Variants in SLC12A7 observed in about 807,000 individuals in gnomAD.
SLC12A7 encodes solute carrier family 12 member 7, also known as K-Cl cotransporter 4.
Under a neutral mutation model 120.6 loss-of-function variants are expected in SLC12A7, and 100 were observed. The observed-to-expected ratio is 0.83, with a 90% confidence interval of 0.71 to 0.98. The LOEUF is 0.98. Among genes scored for constraint, SLC12A7 ranks in the 50% least tolerant of loss-of-function variants. The probability of loss-of-function intolerance (pLI) is 0.00; values close to 1 mark genes in which losing one functional copy is unlikely to be tolerated. For synonymous variants in SLC12A7, 760 were observed against 678.0 expected (o/e 1.12, Z -1.88); for missense variants, 1,373 against 1,548.1 (o/e 0.89, Z 1.90).
rs922317998 is a variant in SLC12A7 at position 1,100,990 on chromosome 5, C to T, written c.125-6742G>A. ...CACCAGGAGCCCTCGACGAGCTGAG[C>T]CCCGCACCCATGGCCAGCTCCCCCA... On this transcript the variant is annotated intron_variant, in intron 1 of 23. Transcript: ENST00000264930. Among the ~76,000 whole-genome samples the T allele has an allele frequency of 2.2e-4, 34 of 152,158 alleles. 1 individual carries two copies. Among genetic ancestry groups the T allele is most frequent in the African/African-American group, 7.2e-4 (30 of 41,426 alleles).
At chr5:1,090,569 G>A (rs565989620) in intron 3 of SLC12A7, among the ~76,000 whole-genome samples, 5 of 152,340 alleles carry the variant, frequency 3.3e-5, no homozygotes, top group East Asian at 1.9e-4. Context: ...AAAACTGAGA[G>A]CCCAGGGCAG....
chr5:1,092,183 C>T (rs1740600277), intron 3 of SLC12A7, among the ~76,000 whole-genome samples: 1 of 152,252 alleles, frequency 6.6e-6, no homozygotes, highest in African/African-American at 2.4e-5. Flanking sequence ...AGTATTAATT[C>T]CGCTGTGTTT....
At chr5:1,115,512 G>A (rs995022475), upstream of SLC12A7, among the ~76,000 whole-genome samples, 4 of 152,186 alleles carry the variant, frequency 2.6e-5, no homozygotes, top group African/African-American at 9.6e-5. Context: ...CTGTTAGGGT[G>A]GGGGGCTCAT....
rs765560780 is a variant in SLC12A7 at position 1,083,823 on chromosome 5, C to G, written c.1051G>C (p.Ala351Pro). The G allele has an allele frequency of 6.2e-7, 1 of 1,609,286 alleles. No homozygotes were observed. The highest frequency in any genetic ancestry group is 8.5e-7 in the Non-Finnish European group (1 of 1,177,754). Reference protein sequence around the residue: ...LFCNGSQPSAACDEYFIQNNV... With the variant: ...LFCNGSQPSAPCDEYFIQNNV... ...TTCTGGATGAAGTACTCGTCACAGG[C>G]GGCGCTGGGCTGGGAGCCGTTGCAG... Residue 351 changes from alanine (A) to proline (P), a missense_variant, in exon 8 of 24, where the codon GCC (alanine) becomes CCC (proline). Transcript: ENST00000264930.
At chr5:1,107,213 CG>C (rs1742596159) in intron 1 of SLC12A7, among the ~76,000 whole-genome samples, 2 of 152,224 alleles carry the variant, frequency 1.3e-5, no homozygotes, top group Non-Finnish European at 2.9e-5. Context: ...GAAGAAAAGC[CG>C]GACCACAGGA....
chr5:1,130,262 G>T, the SLC12A7 span, among the ~76,000 whole-genome samples: 1 of 152,156 alleles, frequency 6.6e-6, no homozygotes, highest in South Asian at 2.1e-4. Context: ...ACCCCACCGG[G>T]CGAGGCTGGC....
intron 17 of SLC12A7, 41 bp from the exon 18 acceptor site, chr5:1,065,519 G>A: frequency 6.6e-7 from 1 of 1,514,418 alleles, no homozygotes; most frequent in Non-Finnish European, 8.9e-7. Flanking sequence ...GCAGGAATGG[G>A]GTGCACAGAC....
rs959720286 is a variant in SLC12A7, at chr5:1,050,691, G to A, written c.*1669C>T. 2 of 395,056 alleles carry A rather than the reference G, an allele frequency of 5.1e-6. No homozygotes were observed. The highest frequency in any genetic ancestry group is 8.9e-6 in the Non-Finnish European group (2 of 224,328). The allele number at this position is 395,056 out of a possible 1,614,324, so 24.5% of individuals were successfully genotyped here. On this transcript the variant is annotated 3_prime_UTR_variant, in exon 24 of 24. Coordinates refer to ENST00000264930, the MANE Select transcript of SLC12A7 (RefSeq NM_006598.3). ...TAGCCTGCTCTCCTCCAGGTGCAGG[G>A]GACACAGGACCTGCCGGCCCCATCC...
At chr5:1,108,507 T>G (rs113606444) in intron 1 of SLC12A7, among the ~76,000 whole-genome samples, 334 of 152,198 alleles carry the variant, frequency 2.2e-3, no homozygotes, top group African/African-American at 7.6e-3. Context: ...AGCCTGCCTG[T>G]CCCTCCTGCT....
the SLC12A7 span, among the ~76,000 whole-genome samples, chr5:1,123,251 C>T: frequency 6.6e-6 from 1 of 152,164 alleles, no homozygotes; most frequent in African/African-American, 2.4e-5. Flanking sequence ...GTCCACATTC[C>T]CTCTGGGGAA....
chr5:1,093,825 C>T lies in SLC12A7; in HGVS notation c.220-170G>A, dbSNP rs544474416. Among the ~76,000 whole-genome samples the T allele has an allele frequency of 3.3e-5, 5 of 152,318 alleles. No homozygotes were observed. In the East Asian group the frequency reaches 9.7e-4, roughly 29 times the overall value. On this transcript the variant is annotated intron_variant, in intron 2 of 23. Coordinates refer to ENST00000264930, the MANE Select transcript of SLC12A7 (RefSeq NM_006598.3). Reference sequence around the variant, plus strand: ...CTGTGTGGCAGGTCTGAGTCCGAGGCCAGGGCTCCAGGCCTCACTGAGTGG... The same window carrying T: ...CTGTGTGGCAGGTCTGAGTCCGAGGTCAGGGCTCCAGGCCTCACTGAGTGG...
At chr5:1,123,885 C>T in the SLC12A7 span, among the ~76,000 whole-genome samples, 1 of 152,234 alleles carries the variant, frequency 6.6e-6, no homozygotes, top group Non-Finnish European at 1.5e-5. Context: ...GTAACAGTTT[C>T]TGAGATAACT....
chr5:1,050,933 T>C lies in SLC12A7; in HGVS notation c.*1427A>G, dbSNP rs1734968491. ...AACTTTGTTGATGGGGCTGATTCCC[T>C]TGGGAGACCATGCAAGCCAGACGTA... On this transcript the variant is annotated 3_prime_UTR_variant, in exon 24 of 24. Coordinates refer to ENST00000264930, the MANE Select transcript of SLC12A7 (RefSeq NM_006598.3). The C allele has an allele frequency of 2.5e-6, 1 of 398,684 alleles. No individual in the cohort carries two copies. The allele number at this position is 398,684 out of a possible 1,614,324, so 24.7% of individuals were successfully genotyped here.
In SLC12A7 at chr5:1,085,121, A is replaced by AC. The variant is rs1739671165; in HGVS notation, c.917+110dup. 3.5e-6 allele frequency: 5 copies of AC among 1,440,004 alleles called. No homozygotes were observed. In the East Asian group the frequency reaches 1.2e-4, roughly 35 times the overall value. The allele number at this position is 1,440,004 out of a possible 1,614,324, so 89.2% of individuals were successfully genotyped here. ...TTCCCGCCACGGTCACACCCAGCCC[A>AC]CCCCTTGCGGGGAGCTCGGCGTCAA... On this transcript the variant is annotated intron_variant, in intron 7 of 23. Coordinates refer to ENST00000264930, the MANE Select transcript of SLC12A7 (RefSeq NM_006598.3).
At chr5:1,085,698 G>A (rs1471991141) in intron 6 of SLC12A7, among the ~76,000 whole-genome samples, 2 of 150,776 alleles carry the variant, frequency 1.3e-5, no homozygotes, top group East Asian at 1.9e-4. Context: ...GGGGGTCAGC[G>A]CACAGGCGAG....
chr5:1,062,807 C>T (rs1325017845), intron 20 of SLC12A7: 2 of 154,412 alleles, frequency 1.3e-5, no homozygotes, highest in Non-Finnish European at 2.9e-5. Context: ...CTCTATCCAG[C>T]TTTATGTCTT....
intron 14 of SLC12A7, 122 bp from the exon 15 acceptor site, chr5:1,075,612 C>T: frequency 7.2e-7 from 1 of 1,388,776 alleles, no homozygotes; most frequent in East Asian, 2.5e-5. Flanking sequence ...GGAAAACAGT[C>T]ACTGACGCCT....
chr5:1,068,769 G>A (rs1172463177), intron 17 of SLC12A7, among the ~76,000 whole-genome samples: 2 of 152,266 alleles, frequency 1.3e-5, no homozygotes, highest in African/African-American at 4.8e-5. Context: ...TAACGTGAGA[G>A]TATAAGTGAG....
At chr5:1,068,084 C>G (rs1440153431) in intron 17 of SLC12A7, among the ~76,000 whole-genome samples, 1 of 152,244 alleles carries the variant, frequency 6.6e-6, no homozygotes, top group Non-Finnish European at 1.5e-5. Flanking sequence ...ATGAGCCTCC[C>G]TGGCGACTGC....
Sources: allele counts gnomAD v4.1 joint callset (sites outside exome capture counted in the v4.1 genomes callset), GRCh38; gene constraint gnomAD v4.1.1; transcripts MANE v1.5; gene names NCBI Gene and HGNC (gene_info 2026-07-23, HGNC 2026-07-21).